Variants in ZAN observed in about 807,000 individuals in gnomAD.
ZAN encodes the protein zonadhesin (gene/pseudogene).
In ZAN, 260 loss-of-function variants were observed where a neutral mutation model predicts 286.2. That is an observed-to-expected ratio of 0.91 (90% CI 0.82 to 1.01). The LOEUF is 1.01. Among genes scored for constraint, ZAN ranks in the 50% least tolerant of loss-of-function variants. The pLI is 0.00. For synonymous variants in ZAN, 1,368 were observed against 1,417.5 expected (o/e 0.97, Z 0.79); for missense variants, 3,410 against 3,639.2 (o/e 0.94, Z 1.62).
intron 27 of ZAN, among the ~76,000 whole-genome samples, chr7:100,769,460 T>TTTTTC (rs943835796): frequency 3.9e-5 from 6 of 152,120 alleles, no homozygotes; most frequent in African/African-American, 1.2e-4. Context: ...CTTGTCTTTT[T>TTTTTC]TTTTCTTTTC....
intron 15 of ZAN, among the ~76,000 whole-genome samples, chr7:100,756,184 T>A (rs1809132290): frequency 1.3e-5 from 2 of 152,194 alleles, no homozygotes; most frequent in South Asian, 2.1e-4. Flanking sequence ...AAGATGAAAT[T>A]AAGTCCTAAC....
chr7:100,764,072 C>G lies in ZAN; in HGVS notation c.4143C>G (p.Cys1381Trp). ...HVKAASFFDS[C>W]MLDMCGFQGL... is the part of the protein sequence containing the mutation. ...AGGCCGCTTCCTTCTTCGACAGCTG[C>G]ATGCTTGATATGTGCGGATTCCAGG... is the stretch of plus-strand genomic sequence containing the variant. Residue 1381 changes from cysteine to tryptophan, a missense_variant, in exon 22 of 48, where the codon TGC (cysteine) becomes TGG (tryptophan). Around this residue, in one of 7 missense-constraint regions of ZAN, gnomAD observed 1,042 missense variants for 1,058.0 expected, o/e 0.98. Coordinates refer to ENST00000613979, the MANE Select transcript of ZAN (RefSeq NM_003386.3). 2 of 1,613,842 alleles carry G rather than the reference C, an allele frequency of 1.2e-6. No individual in the cohort carries two copies. Among genetic ancestry groups the G allele is most frequent in the South Asian group, 2.2e-5 (2 of 91,080 alleles).
Position 100,748,221 on chromosome 7 carries a change from A to G in ZAN, c.1102+6A>G. On this transcript the variant is annotated splice_donor_region_variant and intron_variant, in intron 10 of 47. Transcript: ENST00000613979. ...CAGCATTGCTCCTTGTGGGGGTGAG[A>G]GCAGGCCCTGAGAGGCCCGGATCTC... 1 of 1,613,782 alleles carries G rather than the reference A, an allele frequency of 6.2e-7. No individual in the cohort carries two copies. Among genetic ancestry groups the G allele is most frequent in the Non-Finnish European group, 8.5e-7 (1 of 1,179,856 alleles).
chr7:100,758,359 C>A lies in ZAN; in HGVS notation c.3451+16C>A. 1 of 1,608,944 alleles carries A rather than the reference C, an allele frequency of 6.2e-7. No homozygotes were observed. Among genetic ancestry groups the A allele is most frequent in the South Asian group, 1.1e-5 (1 of 90,748 alleles). Reference sequence around the variant, plus strand: ...CACCCCTACGGTGAGAGCCCCTCCCCATGCTGTCCCTGCCTGCCAGCCAGT... The same window carrying A: ...CACCCCTACGGTGAGAGCCCCTCCCAATGCTGTCCCTGCCTGCCAGCCAGT... On this transcript the variant is annotated intron_variant, in intron 16 of 47. Coordinates refer to ENST00000613979, the MANE Select transcript of ZAN (RefSeq NM_003386.3).
At position 100,762,263 on chromosome 7, in the gene ZAN, C is replaced by T. The variant is rs747078125; in HGVS notation, c.3891C>T (p.Asn1297=). Residue 1297 remains asparagine, a synonymous_variant, in exon 20 of 48, where the codon AAC becomes AAT. Coordinates refer to ENST00000613979, the MANE Select transcript of ZAN (RefSeq NM_003386.3). ...LCGLCGNYDG[N]SDNDHLKLDG... Reference sequence around the variant, plus strand: ...GTTTGTGTGGGAACTATGACGGCAACAGTGACAATGACCACCTGAAGTTGG... The same window carrying T: ...GTTTGTGTGGGAACTATGACGGCAATAGTGACAATGACCACCTGAAGTTGG... The T allele has an allele frequency of 6.2e-7, 1 of 1,613,646 alleles. No homozygotes were observed. The highest frequency in any genetic ancestry group is 1.1e-5 in the South Asian group (1 of 91,068).
intron 8 of ZAN, among the ~76,000 whole-genome samples, chr7:100,746,928 C>T (rs1335889025): frequency 2.6e-5 from 4 of 151,944 alleles, no homozygotes; most frequent in South Asian, 2.1e-4. Flanking sequence ...GGTGAAACCC[C>T]GTCCATACTA....
In ZAN at chr7:100,789,144, T is replaced by A. The variant is rs532048563; in HGVS notation, c.7228-74T>A. ...GACATATGGAGATGACTGGGAAAAG[T>A]GAAGCCCAGCCAGGAAATGGCAGCA... On this transcript the variant is annotated intron_variant, in intron 38 of 47. Transcript: ENST00000613979. 3.9e-6 allele frequency: 6 copies of A among 1,551,594 alleles called. No individual in the cohort carries two copies. In the Admixed American group the frequency reaches 1.2e-4, roughly 30 times the overall value.
chr7:100,746,378 G>C (rs1416579661), intron 7 of ZAN, among the ~76,000 whole-genome samples, 160 bp from the exon 8 acceptor site: 1 of 152,164 alleles, frequency 6.6e-6, no homozygotes, highest in Admixed American at 6.5e-5. Flanking sequence ...AAAAGTTGAA[G>C]ACCTCAGTCA....
chr7:100,743,475 C>A (rs1807958716), intron 7 of ZAN, among the ~76,000 whole-genome samples: 1 of 152,116 alleles, frequency 6.6e-6, no homozygotes, highest in Non-Finnish European at 1.5e-5. Flanking sequence ...TCTCACACAG[C>A]CCACATTTCA....
chr7:100,763,803 C>T lies in ZAN; in HGVS notation c.3987-3C>T. ...TAGGGAGTTTGGGGTGGGTCTCTTG[C>T]AGGTGTCAGAAGTACCAGGTGGTGA... On this transcript the variant is annotated splice_region_variant and splice_polypyrimidine_tract_variant and intron_variant, in intron 20 of 47. Transcript: ENST00000613979. The surrounding 1 kb of genome is among the most constrained non-coding windows in gnomAD (Gnocchi z 4.6). 1 of 1,613,728 alleles carries T rather than the reference C, an allele frequency of 6.2e-7. No homozygotes were observed. Among genetic ancestry groups the T allele is most frequent in the Non-Finnish European group, 8.5e-7 (1 of 1,179,660 alleles).
At position 100,750,540 on chromosome 7, in the gene ZAN, G is replaced by A. The variant is rs376868280; in HGVS notation, c.1250-85G>A. The A allele has an allele frequency of 6.9e-5, 102 of 1,487,824 alleles. No individual in the cohort carries two copies. The African/African-American group carries it at 7.5e-4, about 11-fold the overall frequency. 92.2% of individuals were successfully genotyped at this position (1,487,824 alleles called of 1,614,324 possible). A position where few individuals can be genotyped will look rare whatever the true frequency, so the allele number is the denominator to read the frequency against. ...AATTTGAGTGTTTGCTCAGATTCCC[G>A]TTCAGAAAGCAAAGCTTTGCTAAAG... On this transcript the variant is annotated intron_variant, in intron 11 of 47. Transcript: ENST00000613979.
chr7:100,739,901 G>A lies in ZAN; in HGVS notation c.766+1288G>A, dbSNP rs573858757. Among the ~76,000 whole-genome samples the A allele has an allele frequency of 7.1e-5, 10 of 140,630 alleles. 2 individuals carry two copies. The highest frequency in any genetic ancestry group is 2.6e-4 in the African/African-American group (10 of 38,564). 92.3% of individuals were successfully genotyped at this position (140,630 alleles called of 152,430 possible). On this transcript the variant is annotated intron_variant, in intron 7 of 47. Transcript: ENST00000613979. The stretch of plus-strand genomic sequence containing the variant: ...TTGAACTGCTGACCTCAGGTGATCC[G>A]GCCACCTCGGCCTCCCAAAGTGCTG...
chr7:100,750,652 A>G lies in ZAN; in HGVS notation c.1277A>G (p.Asp426Gly). 1.9e-6 allele frequency: 3 copies of G among 1,613,418 alleles called. No homozygotes were observed. The highest frequency in any genetic ancestry group is 2.2e-5 in the South Asian group (2 of 90,886). Residue 426 changes from aspartate (D) to glycine (G), a missense_variant, in exon 12 of 48, where the codon GAC (aspartate) becomes GGC (glycine). Coordinates refer to ENST00000613979, the MANE Select transcript of ZAN (RefSeq NM_003386.3). ...AGGHYIYLEA[D>G]EFSQAGQSVR... The stretch of plus-strand genomic sequence containing the variant: ...GGTCACTATATCTACCTTGAGGCTG[A>G]CGAGTTCTCCCAGGCAGGCCAGTCA...
chr7:100,794,883 GGAAA>G (rs1239010313), intron 44 of ZAN, among the ~76,000 whole-genome samples: 3 of 150,140 alleles, frequency 2.0e-5, no homozygotes, highest in Non-Finnish European at 4.4e-5. Context: ...GGGGAGGGGA[GGAAA>G]GGAAGGGAGG....
In ZAN at chr7:100,797,388, ACTGGGACTG is replaced by A. The variant is rs1453222779; in HGVS notation, c.8294_8302del (p.Gly2765_Leu2767del). On this transcript the variant is annotated inframe_deletion, in exon 46 of 48. Coordinates refer to ENST00000613979, the MANE Select transcript of ZAN (RefSeq NM_003386.3). ...AAGCATCTAACCTGGTGGGCGTCCTACTGGGACTGCTGGTGCCTGTGGTGGTCGTACTAC... is the reference window on the plus strand; with the variant it reads ...AAGCATCTAACCTGGTGGGCGTCCTACTGGTGCCTGTGGTGGTCGTACTAC... 1 of 1,613,712 alleles carries A rather than the reference ACTGGGACTG, an allele frequency of 6.2e-7. No individual in the cohort carries two copies.
Position 100,755,276 on chromosome 7 carries a change from T to C in ZAN, c.3175T>C (p.Cys1059Arg), listed in dbSNP as rs1004797537. The change falls in exon 15 of 48, where the codon TGC becomes CGC. Residue 1059 changes from cysteine to arginine, a missense_variant. Cys to Arg is a radical substitution (Grantham distance 180, BLOSUM62 -3). Transcript: ENST00000613979. The part of the protein sequence containing the change: ...RYESCACPAS[C>R]KSPRPSCGPL... ...CGAATCCTGTGCTTGTCCTGCTTCG[T>C]GCAAGAGCCCCAGGCCTAGCTGTGG... 6.2e-6 allele frequency: 10 copies of C among 1,613,876 alleles called. No homozygotes were observed. Among genetic ancestry groups the C allele is most frequent in the Non-Finnish European group, 7.6e-6 (9 of 1,179,870 alleles).
chr7:100,784,318 T>A (rs1412838689), intron 35 of ZAN, among the ~76,000 whole-genome samples: 3 of 151,664 alleles, frequency 2.0e-5, no homozygotes, highest in African/African-American at 7.3e-5. Context: ...TTAGTAGAGA[T>A]GGGGTTTCAC....
chr7:100,795,752 A>G (rs1812319399), intron 45 of ZAN, among the ~76,000 whole-genome samples: 1 of 151,732 alleles, frequency 6.6e-6, no homozygotes, highest in South Asian at 2.1e-4. Flanking sequence ...TAAAAATACA[A>G]AAAGTTAGCC....
Position 100,784,673 on chromosome 7 carries a change from TCA to T in ZAN, c.6675_6676del (p.Pro2226LeufsTer10). 6.2e-7 allele frequency: 1 copy of T among 1,613,880 alleles called. No individual in the cohort carries two copies. The highest frequency in any genetic ancestry group is 8.5e-7 in the Non-Finnish European group (1 of 1,179,872). On this transcript the variant is annotated frameshift_variant, in exon 36 of 48. Transcript: ENST00000613979. LOFTEE classifies it high-confidence loss of function. ...SSYTNCLPSCSPSCWDLDGRC... is the reference protein window; with the variant it reads ...SSYTNCLPSCXPSCWDLDGRC... ...CTACACCAACTGCCTTCCCTCCTGC[TCA>T]CCCTCCTGCTGGGACCTGGATGGCC...
Sources: allele counts gnomAD v4.1 joint callset (sites outside exome capture counted in the v4.1 genomes callset), GRCh38; gene constraint gnomAD v4.1.1; regional missense constraint gnomAD v4.1.1; non-coding constraint Gnocchi (gnomAD v3.1); transcripts MANE v1.5; gene names NCBI Gene and HGNC (gene_info 2026-07-23, HGNC 2026-07-21).